The following AGBL4 variants were observed in gnomAD, a reference collection of about 807,000 sequenced individuals.
The protein encoded by AGBL4 is cytosolic carboxypeptidase 6.
Under a neutral mutation model 66.4 loss-of-function variants are expected in AGBL4, and 58 were observed. That is an observed-to-expected ratio of 0.87 (90% CI 0.71 to 1.09). The LOEUF is 1.09. AGBL4 is among the 50% of genes least tolerant of loss of function. The pLI, the probability that AGBL4 is intolerant of heterozygous loss-of-function variation, is 0.00. For missense variants in AGBL4, 579 were observed against 631.0 expected (o/e 0.92, Z 0.88); for synonymous variants, 234 against 222.9 (o/e 1.05, Z -0.44).
chr1:49,757,313 T>C (rs920627940), intron 2 of AGBL4, among the ~76,000 whole-genome samples: 2 of 152,244 alleles, frequency 1.3e-5, no homozygotes, highest in South Asian at 2.1e-4. Flanking sequence ...TATGTCAGTA[T>C]AGCAGTGTAA....
chr1:49,744,691 G>C (rs963376285), intron 2 of AGBL4, among the ~76,000 whole-genome samples: 4 of 151,936 alleles, frequency 2.6e-5, no homozygotes, highest in African/African-American at 9.7e-5. Context: ...TTTTTCTTCT[G>C]ATTTAAAAGA....
intron 6 of AGBL4, among the ~76,000 whole-genome samples, chr1:48,815,997 A>G (rs181232424): frequency 1.0e-3 from 152 of 152,008 alleles, no homozygotes; most frequent in Non-Finnish European, 1.6e-3. Flanking sequence ...TAGCTGCTCA[A>G]ACTAAACAAA....
chr1:48,790,436 T>C (rs1042541639), intron 6 of AGBL4, among the ~76,000 whole-genome samples: 3 of 152,204 alleles, frequency 2.0e-5, no homozygotes, highest in Non-Finnish European at 4.4e-5. Flanking sequence ...TCCCTTTTTT[T>C]GGCAATGTGA....
chr1:48,807,307 T>C (rs1645948090), intron 6 of AGBL4, among the ~76,000 whole-genome samples: 1 of 152,252 alleles, frequency 6.6e-6, no homozygotes. Flanking sequence ...TGAATGCATT[T>C]GAAGAAAGAT....
chr1:48,741,858 G>A (rs1368232565), intron 6 of AGBL4, among the ~76,000 whole-genome samples: 1 of 152,166 alleles, frequency 6.6e-6, no homozygotes, highest in African/African-American at 2.4e-5. Flanking sequence ...TTTCACCAGT[G>A]CCAACACAAA....
At chr1:48,719,673 G>A (rs568784885) in intron 6 of AGBL4, among the ~76,000 whole-genome samples, 34 of 152,244 alleles carry the variant, frequency 2.2e-4, no homozygotes, top group African/African-American at 7.9e-4. Context: ...TCCACCTCTT[G>A]CCTATTGCTC....
At chr1:49,595,923 A>G (rs891878270) in intron 3 of AGBL4, among the ~76,000 whole-genome samples, 14 of 152,032 alleles carry the variant, frequency 9.2e-5, no homozygotes, top group African/African-American at 1.4e-4. Context: ...CTGGATTCCA[A>G]TTTCCCAGAT....
At chr1:49,834,920 C>A (rs1321275208) in intron 2 of AGBL4, among the ~76,000 whole-genome samples, 1 of 152,156 alleles carries the variant, frequency 6.6e-6, no homozygotes, top group Non-Finnish European at 1.5e-5. Context: ...AATTTGATTA[C>A]ACTGTGGTTT....
intron 3 of AGBL4, among the ~76,000 whole-genome samples, chr1:49,680,489 C>T (rs1006408205): frequency 2.6e-5 from 4 of 152,086 alleles, no homozygotes; most frequent in African/African-American, 7.2e-5. Flanking sequence ...CATATTTTCA[C>T]TGGATATAGA....
At chr1:48,860,531 T>C (rs542505794) in intron 6 of AGBL4, among the ~76,000 whole-genome samples, 4 of 152,138 alleles carry the variant, frequency 2.6e-5, no homozygotes, top group African/African-American at 9.7e-5. Context: ...AGCTTCTGCT[T>C]AGAGCAAGGA....
intron 5 of AGBL4, among the ~76,000 whole-genome samples, chr1:49,000,509 C>T (rs1405918203): frequency 6.6e-6 from 1 of 152,136 alleles, no homozygotes; most frequent in Non-Finnish European, 1.5e-5. Flanking sequence ...AATACATATA[C>T]AAATAGGAAT....
At chr1:49,037,161 C>A (rs1664733008) in intron 5 of AGBL4, among the ~76,000 whole-genome samples, 1 of 152,012 alleles carries the variant, frequency 6.6e-6, no homozygotes. Flanking sequence ...TGAATGAAAT[C>A]CCTATAATCT....
chr1:49,530,275 A>AAAAAAAAAAAAAAAC, intron 3 of AGBL4, among the ~76,000 whole-genome samples: 1 of 141,336 alleles, frequency 7.1e-6, no homozygotes, highest in Non-Finnish European at 1.5e-5. Context: ...AAAAAAAACA[A>AAAAAAAAAAAAAAAC]AAAAAAACTC....
intron 4 of AGBL4, among the ~76,000 whole-genome samples, chr1:49,188,071 T>A (rs1647047145): frequency 6.6e-6 from 1 of 152,172 alleles, no homozygotes; most frequent in South Asian, 2.1e-4. Flanking sequence ...CCTCCTTGCC[T>A]TCTGCCATGA....
intron 3 of AGBL4, among the ~76,000 whole-genome samples, chr1:49,286,863 T>A (rs1199510293): frequency 6.6e-6 from 1 of 152,194 alleles, no homozygotes; most frequent in East Asian, 1.9e-4. Flanking sequence ...GAAAAACTAC[T>A]TTAAAATTCA....
chr1:49,117,576 T>C (rs559868835), intron 4 of AGBL4, among the ~76,000 whole-genome samples: 1 of 152,332 alleles, frequency 6.6e-6, no homozygotes, highest in South Asian at 2.1e-4. Context: ...TGCATTAGTC[T>C]ATATATCTGT....
At chr1:48,719,383 G>T (rs574211953) in intron 6 of AGBL4, among the ~76,000 whole-genome samples, 2 of 152,284 alleles carry the variant, frequency 1.3e-5, no homozygotes, top group African/African-American at 4.8e-5. Flanking sequence ...GAGGAAGGGG[G>T]GTGGGCATCT....
At chr1:49,647,004 T>C (rs879241872) in intron 3 of AGBL4, among the ~76,000 whole-genome samples, 3 of 151,822 alleles carry the variant, frequency 2.0e-5, no homozygotes, top group African/African-American at 7.3e-5. Context: ...CTTCTTTTGA[T>C]ATTGGCATCA....
intron 5 of AGBL4, among the ~76,000 whole-genome samples, chr1:49,027,705 T>C (rs1298811214): frequency 6.6e-6 from 1 of 152,122 alleles, no homozygotes; most frequent in Non-Finnish European, 1.5e-5. Flanking sequence ...AGAAGCTCTA[T>C]TCAAGGTGGA....
Sources: gnomAD v4.1 joint callset for allele counts (sites outside exome capture counted in the v4.1 genomes callset) on GRCh38, gnomAD v4.1.1 for gene constraint, MANE v1.5 for transcripts, NCBI Gene and HGNC (gene_info 2026-07-23, HGNC 2026-07-21) for gene names.